L3HYPDH: variants seen among roughly 807,000 people sequenced by gnomAD.
L3HYPDH encodes the protein trans-3-hydroxy-L-proline dehydratase.
A neutral mutation model predicts 26.5 loss-of-function variants in L3HYPDH; 32 were observed. The ratio of observed to expected loss-of-function variants is 1.21; its 90% CI spans 0.91 to 1.62. L3HYPDH has a LOEUF of 1.62. Among genes scored for constraint, L3HYPDH ranks in the 40% most tolerant of loss-of-function variants. The pLI is 0.00. For missense variants in L3HYPDH, 554 were observed against 476.4 expected, an observed-to-expected ratio of 1.16 and a Z score of -1.52; for synonymous variants, 215 against 196.6, an observed-to-expected ratio of 1.09 and a Z score of -0.78.
chr14:59,475,750 G>T, intron 4 of L3HYPDH, 119 bp downstream of exon 4: 2 of 1,108,750 alleles, frequency 1.8e-6, no homozygotes, highest in Non-Finnish European at 2.5e-6. Flanking sequence ...GTTTTTACAG[G>T]CCTGCTTTAA....
chr14:59,504,283 T>C, the L3HYPDH span: 4 of 545,284 alleles, frequency 7.3e-6, no homozygotes, highest in Admixed American at 6.7e-5. Flanking sequence ...CAGGGTAATA[T>C]TATCTGCTAC....
intron 2 of L3HYPDH, among the ~76,000 whole-genome samples, chr14:59,477,298 A>G (rs1419538538): frequency 6.6e-6 from 1 of 152,224 alleles, no homozygotes; most frequent in East Asian, 1.9e-4. Flanking sequence ...TGTTTGTTAA[A>G]AGAGTGAATG....
At chr14:59,475,486 G>A (rs1204114250) in intron 4 of L3HYPDH, among the ~76,000 whole-genome samples, 2 of 152,152 alleles carry the variant, frequency 1.3e-5, no homozygotes, top group African/African-American at 2.4e-5. Context: ...TTGCAAACCT[G>A]TTTCATGTCT....
At chr14:59,498,578 T>A in the L3HYPDH span, 2 of 505,630 alleles carry the variant, frequency 4.0e-6, no homozygotes. Flanking sequence ...ACAGCCTGTT[T>A]GGCCAGCTTT....
chr14:59,487,469 A>C, upstream of L3HYPDH: 1 of 412,264 alleles, frequency 2.4e-6, no homozygotes, highest in East Asian at 3.5e-5. Context: ...TAGTAAAAGG[A>C]ATCTTCTAAG....
At chr14:59,486,839 A>G, upstream of L3HYPDH, 4 of 1,308,786 alleles carry the variant, frequency 3.1e-6, no homozygotes, top group Non-Finnish European at 4.3e-6. Flanking sequence ...TTCATTTTGT[A>G]AAATCTATTT....
chr14:59,501,313 G>T, the L3HYPDH span: 1 of 1,234,288 alleles, frequency 8.1e-7, no homozygotes, highest in Non-Finnish European at 1.2e-6. Context: ...TGATAAATTT[G>T]ACAATTCAAT....
chr14:59,502,767 T>TTGTTTTTG, the L3HYPDH span, among the ~76,000 whole-genome samples: 1 of 138,750 alleles, frequency 7.2e-6, no homozygotes. Flanking sequence ...TTTTTTTTTT[T>TTGTTTTTG]TTTTTTCGGA....
upstream of L3HYPDH, among the ~76,000 whole-genome samples, chr14:59,488,633 G>A (rs1315222267): frequency 6.6e-6 from 1 of 152,192 alleles, no homozygotes; most frequent in Non-Finnish European, 1.5e-5. Context: ...AGGCCAGAAT[G>A]TGAAGGTTCT....
upstream of L3HYPDH, chr14:59,487,610 T>C (rs1345534735): frequency 8.2e-7 from 1 of 1,220,570 alleles, no homozygotes; most frequent in East Asian, 2.3e-5. Flanking sequence ...ATAGAATGAT[T>C]TGGGGGGGTG....
chr14:59,495,470 A>G, the L3HYPDH span, among the ~76,000 whole-genome samples: 2 of 152,180 alleles, frequency 1.3e-5, no homozygotes, highest in Non-Finnish European at 2.9e-5. Context: ...GATACCATAT[A>G]ACTTACATAT....
chr14:59,502,761 T>G, the L3HYPDH span, among the ~76,000 whole-genome samples: 8 of 45,272 alleles, frequency 1.8e-4, no homozygotes, highest in South Asian at 7.9e-4. Context: ...TTTTTTTTTT[T>G]TTTTTTTTTT....
In L3HYPDH at chr14:59,472,927, T is replaced by C. The variant is rs770177221; in HGVS notation, c.*38A>G. The C allele has an allele frequency of 6.5e-7, 1 of 1,542,316 alleles. No individual in the cohort carries two copies. The highest frequency in any genetic ancestry group is 8.7e-7 in the Non-Finnish European group (1 of 1,148,634). Reference sequence around the variant, plus strand: ...AGAAAACAGTCCTTAAGGATAATGATTACTTTAAAAAGAAAGCCCTTAAAA... The same window carrying C: ...AGAAAACAGTCCTTAAGGATAATGACTACTTTAAAAAGAAAGCCCTTAAAA... On this transcript the variant is annotated 3_prime_UTR_variant, in exon 5 of 5. Transcript: ENST00000247194.
At chr14:59,493,818 A>G in the L3HYPDH span, among the ~76,000 whole-genome samples, 1 of 152,234 alleles carries the variant, frequency 6.6e-6, no homozygotes, top group Non-Finnish European at 1.5e-5. Flanking sequence ...ATCAAGGATT[A>G]TGATCATATT....
At chr14:59,494,716 A>T in the L3HYPDH span, among the ~76,000 whole-genome samples, 2 of 152,194 alleles carry the variant, frequency 1.3e-5, no homozygotes, top group African/African-American at 4.8e-5. Flanking sequence ...AACACGTTAC[A>T]TACCATCTTT....
the L3HYPDH span, among the ~76,000 whole-genome samples, chr14:59,497,771 G>A: frequency 1.3e-5 from 2 of 152,094 alleles, no homozygotes; most frequent in Non-Finnish European, 2.9e-5. Context: ...ATGCATTACT[G>A]TACAGGACTG....
chr14:59,471,264 C>T (rs1889305141), downstream of L3HYPDH, among the ~76,000 whole-genome samples: 1 of 152,116 alleles, frequency 6.6e-6, no homozygotes, highest in Admixed American at 6.6e-5. Context: ...AGAAATATAA[C>T]ATTCTTATTA....
chr14:59,491,661 G>A, the L3HYPDH span, among the ~76,000 whole-genome samples: 1 of 152,316 alleles, frequency 6.6e-6, no homozygotes, highest in African/African-American at 2.4e-5. Context: ...CTAAAGTCTG[G>A]GAAAGATAAA....
downstream of L3HYPDH, among the ~76,000 whole-genome samples, chr14:59,472,092 A>C (rs979089155): frequency 1.3e-5 from 2 of 152,226 alleles, no homozygotes; most frequent in Non-Finnish European, 2.9e-5. Context: ...AAAAGACTCT[A>C]CTGAATTCTC....
Sources: allele counts gnomAD v4.1 joint callset (sites outside exome capture counted in the v4.1 genomes callset), GRCh38; gene constraint gnomAD v4.1.1; transcripts MANE v1.5; gene names NCBI Gene and HGNC (gene_info 2026-07-23, HGNC 2026-07-21).